The following OPHN1 variants were observed in gnomAD, a reference collection of about 807,000 sequenced individuals.
OPHN1 encodes oligophrenin-1.
A neutral mutation model predicts 60.7 loss-of-function variants in OPHN1; 11 were observed. That is an observed-to-expected ratio of 0.18 (90% CI 0.11 to 0.30). The LOEUF is 0.30. OPHN1 is among the 10% of genes least tolerant of loss of function. The pLI is 1.00. For missense variants in OPHN1, 449 were observed against 611.0 expected (o/e 0.73, Z 2.80); for synonymous variants, 226 against 222.6 (o/e 1.02, Z -0.14).
chrX:68,070,601 A>T, intron 20 of OPHN1: 1 of 676,461 alleles, frequency 1.5e-6, no homozygotes, highest in South Asian at 2.1e-5. Flanking sequence ...TAGTGCTCAC[A>T]TGTCTGATTT....
At chrX:68,144,642 T>G (rs2077256513) in intron 15 of OPHN1, among the ~76,000 whole-genome samples, 1 of 111,914 alleles carries the variant, frequency 8.9e-6, no homozygotes, top group Non-Finnish European at 1.9e-5. Context: ...AACTCAGAAT[T>G]CTGAAAGTTT....
chrX:68,213,864 G>C lies in OPHN1; in HGVS notation c.595C>G (p.Pro199Ala), dbSNP rs1442797776. The C allele has an allele frequency of 1.8e-6, 2 of 1,140,047 alleles. No homozygotes were observed. The highest frequency in any genetic ancestry group is 2.4e-6 in the Non-Finnish European group (2 of 833,615). 94.0% of individuals were successfully genotyped at this position (1,140,047 alleles called of 1,213,427 possible). A position where few individuals can be genotyped will look rare whatever the true frequency, so the allele number is the denominator to read the frequency against. ...QESKKFNIVE[P>A]VLAFLHSLFI... Reference sequence around the variant, plus strand: ...ATTCATCAACAGAGAAAACTTACAGGCTCCACAATATTGAACTTCTTGGAC... The same window carrying C: ...ATTCATCAACAGAGAAAACTTACAGCCTCCACAATATTGAACTTCTTGGAC... Residue 199 changes from proline to alanine, a missense_variant and splice_region_variant, in exon 7 of 25, where the codon CCT (proline) becomes GCT (alanine). Pro to Ala is a conservative substitution (Grantham distance 27). Transcript: ENST00000355520.
At chrX:68,262,875 A>AG (rs1256010698) in intron 5 of OPHN1, among the ~76,000 whole-genome samples, 1 of 111,783 alleles carries the variant, frequency 8.9e-6, no homozygotes, top group East Asian at 2.8e-4. Flanking sequence ...AGGACAGGAA[A>AG]GGAAAGGAAC....
intron 2 of OPHN1, among the ~76,000 whole-genome samples, chrX:68,382,716 TGAATATA>T (rs1237316997): frequency 8.9e-6 from 1 of 111,773 alleles, no homozygotes; most frequent in Non-Finnish European, 1.9e-5. Context: ...CACAACTCTG[TGAATATA>T]CCACAAAACA....
intron 15 of OPHN1, among the ~76,000 whole-genome samples, chrX:68,172,361 A>C (rs751211425): frequency 6.4e-4 from 72 of 112,173 alleles, no homozygotes; most frequent in African/African-American, 2.3e-3. Context: ...ACAAGATACC[A>C]CATAGGTATG....
chrX:68,213,809 T>C (rs1370318239), intron 7 of OPHN1, 53 bp downstream of exon 7: 5 of 716,184 alleles, frequency 7.0e-6, no homozygotes, highest in Non-Finnish European at 1.1e-5. Context: ...TTTGTACATT[T>C]ACCAGGCATT....
At chrX:68,218,365 A>G (rs2077629097) in intron 6 of OPHN1, among the ~76,000 whole-genome samples, 1 of 99,252 alleles carries the variant, frequency 1.0e-5, no homozygotes, top group African/African-American at 3.6e-5. Flanking sequence ...GCAGGATATT[A>G]TCCAAGAGAA....
rs184935238 is a variant in OPHN1, at chrX:68,050,561, T to C, written c.2375+1979A>G. 5.4e-4 allele frequency among the ~76,000 whole-genome samples: 61 copies of C among 111,932 alleles called. No homozygotes were observed. In the East Asian group the frequency reaches 0.013, roughly 24 times the overall value. The stretch of plus-strand genomic sequence containing the variant: ...TTGTAAGTCTACCTGCCTTAAAAGT[T>C]CTATTGGACTTTCTTCATGCTTCTT... On this transcript the variant is annotated intron_variant, in intron 23 of 24. Coordinates refer to ENST00000355520, the MANE Select transcript of OPHN1 (RefSeq NM_002547.3).
chrX:68,110,006 T>TAA (rs35737204), intron 18 of OPHN1, among the ~76,000 whole-genome samples: 20 of 105,062 alleles, frequency 1.9e-4, no homozygotes, highest in Admixed American at 6.3e-4. Context: ...GTATACGCCT[T>TAA]AAAAAAAAAG....
Position 68,353,406 on chromosome X carries a change from A to AG in OPHN1, c.155-54311dup, listed in dbSNP as rs199544235. On this transcript the variant is annotated intron_variant, in intron 2 of 24. Transcript: ENST00000355520. ...CAACATGGTGAAACCCCGTCTCTAC[A>AG]GGAAAAAAAAAAAAAAAAAAAAAAA... 3.5e-3 allele frequency among the ~76,000 whole-genome samples: 309 copies of AG among 87,945 alleles called. 6 individuals carry two copies. The highest frequency in any genetic ancestry group is 0.013 in the African/African-American group (295 of 21,890). 76.4% of individuals were successfully genotyped at this position (87,945 alleles called of 115,157 possible).
In OPHN1 at chrX:68,177,893, T is replaced by C. The variant is rs888959654; in HGVS notation, c.1276+15026A>G. ...CATGAGATTTGGGCAGGGACACAGATACAAACCATATCAGCTGCTCATAGA... is the reference window on the plus strand; with the variant it reads ...CATGAGATTTGGGCAGGGACACAGACACAAACCATATCAGCTGCTCATAGA... On this transcript the variant is annotated intron_variant, in intron 15 of 24. Transcript: ENST00000355520. Among the ~76,000 whole-genome samples the C allele has an allele frequency of 5.4e-5, 6 of 112,007 alleles. No individual in the cohort carries two copies. In the Admixed American group the frequency reaches 5.7e-4, roughly 11 times the overall value.
At chrX:68,146,345 C>T (rs886303024) in intron 15 of OPHN1, among the ~76,000 whole-genome samples, 1 of 111,693 alleles carries the variant, frequency 9.0e-6, no homozygotes, top group African/African-American at 3.3e-5. Context: ...CTGTGATATC[C>T]ACCAGTTTTC....
chrX:68,228,957 T>G (rs746081470), intron 6 of OPHN1, among the ~76,000 whole-genome samples: 1 of 110,531 alleles, frequency 9.0e-6, no homozygotes, highest in Non-Finnish European at 1.9e-5. Context: ...AATTAGGAAA[T>G]GAGGAAGTCA....
At chrX:68,201,838 C>A in intron 10 of OPHN1, 128 bp from the exon 11 acceptor site, 1 of 537,084 alleles carries the variant, frequency 1.9e-6, no homozygotes, top group South Asian at 2.5e-5. Context: ...TGTGTAGACT[C>A]ACTGAGAATC....
chrX:68,164,818 A>T (rs1258310364), intron 15 of OPHN1, among the ~76,000 whole-genome samples: 2 of 112,203 alleles, frequency 1.8e-5, no homozygotes, highest in Non-Finnish European at 3.8e-5. Flanking sequence ...TACATAGAAA[A>T]GTTGTATTTT....
intron 2 of OPHN1, among the ~76,000 whole-genome samples, chrX:68,416,061 TATATATAGAGAG>T (rs1391771973): frequency 0.038 from 239 of 6,211 alleles, 2 homozygotes; most frequent in African/African-American, 0.058. Flanking sequence ...TATATATATA[TATATATAGAGAG>T]AGAGAGAGAG....
intron 15 of OPHN1, among the ~76,000 whole-genome samples, chrX:68,156,406 C>A (rs1310104277): frequency 9.2e-6 from 1 of 108,330 alleles, no homozygotes; most frequent in Admixed American, 9.9e-5. Flanking sequence ...CATGCATACA[C>A]ACACAAACAT....
intron 21 of OPHN1, among the ~76,000 whole-genome samples, chrX:68,059,290 G>C (rs1170708057): frequency 1.8e-5 from 2 of 111,743 alleles, no homozygotes; most frequent in Non-Finnish European, 3.8e-5. Flanking sequence ...CTTGGGACCT[G>C]ATGGTCATCA....
chrX:68,063,044 G>T (rs1263951511), intron 21 of OPHN1, among the ~76,000 whole-genome samples: 1 of 111,508 alleles, frequency 9.0e-6, no homozygotes, highest in Non-Finnish European at 1.9e-5. Flanking sequence ...GCTTCTTATA[G>T]GAAGGTAAAG....
Sources: allele counts gnomAD v4.1 joint callset (sites outside exome capture counted in the v4.1 genomes callset), GRCh38; gene constraint gnomAD v4.1.1; transcripts MANE v1.5; gene names NCBI Gene and HGNC (gene_info 2026-07-23, HGNC 2026-07-21).